The following C11orf21 variants were observed in gnomAD, a reference collection of about 807,000 sequenced individuals.
C11orf21 encodes the protein uncharacterized protein C11orf21.
Under a neutral mutation model 15.2 loss-of-function variants are expected in C11orf21, and 19 were observed. That is an observed-to-expected ratio of 1.25 (90% CI 0.87 to 1.84). C11orf21 has a LOEUF of 1.84. Among genes scored for constraint, C11orf21 ranks in the 40% most tolerant of loss-of-function variants. The probability of loss-of-function intolerance (pLI) is 0.00; values close to 1 mark genes in which losing one functional copy is unlikely to be tolerated. For missense variants in C11orf21, 171 were observed against 174.4 expected (o/e 0.98, Z 0.11); for synonymous variants, 62 against 66.8 (o/e 0.93, Z 0.35).
rs959104388 is a variant in C11orf21, at chr11:2,295,980, G to A, written c.*1970C>T. 1 of 152,188 alleles carries A rather than the reference G, an allele frequency of 6.6e-6. No homozygotes were observed. The highest frequency in any genetic ancestry group is 1.5e-5 in the Non-Finnish European group (1 of 68,032). 9.4% of individuals were successfully genotyped at this position (152,188 alleles called of 1,614,324 possible). A position where few individuals can be genotyped will look rare whatever the true frequency, so the allele number is the denominator to read the frequency against. ...TCCGGGGATGCTTTGATTTGCCCCA[G>A]TGATCAGTAGTCATATCTGGAACAG... On this transcript the variant is annotated 3_prime_UTR_variant, in exon 4 of 4. Transcript: ENST00000381153. The surrounding 1 kb of genome is among the most constrained non-coding windows in gnomAD (Gnocchi z 5.4).
chr11:2,302,236 G>C, upstream of C11orf21: 3 of 1,377,506 alleles, frequency 2.2e-6, no homozygotes, highest in Non-Finnish European at 2.8e-6. Flanking sequence ...GGTCGGGCAG[G>C]AGTGGGTGGT....
chr11:2,301,792 C>T lies in C11orf21; in HGVS notation c.17G>A (p.Cys6Tyr), dbSNP rs12276847. ...CGGGCGCCGTCTCCTCCACATCCCA[C>T]ACCAGGTCCTGCCCATGACTTTCCC... MGRTW[C>Y]GMWRRRRPGR... Residue 6 changes from cysteine to tyrosine, a missense_variant, in exon 1 of 4, where the codon TGT becomes TAT. Transcript: ENST00000381153. 507,041 of 1,549,966 alleles carry T rather than the reference C, an allele frequency of 0.33. 87,326 individuals carry two copies. The highest frequency in any genetic ancestry group is 0.36 in the Non-Finnish European group (413,381 of 1,146,580).
At position 2,297,026 on chromosome 11, in the gene C11orf21, T is replaced by A. The variant is rs1161488999; in HGVS notation, c.*924A>T. The stretch of plus-strand genomic sequence containing the variant: ...GCATTGGCTGAGCCCCCACCGCACC[T>A]TCCCTCCCACCCTGGGGTCCTCAGC... On this transcript the variant is annotated 3_prime_UTR_variant, in exon 4 of 4. Coordinates refer to ENST00000381153, the MANE Select transcript of C11orf21 (RefSeq NM_001329958.2). The A allele has an allele frequency of 1.3e-5, 2 of 152,296 alleles. No homozygotes were observed. The highest frequency in any genetic ancestry group is 2.9e-5 in the Non-Finnish European group (2 of 68,120). The allele number at this position is 152,296 out of a possible 1,614,324, so 9.4% of individuals were successfully genotyped here. A position where few individuals can be genotyped will look rare whatever the true frequency, so the allele number is the denominator to read the frequency against.
intron 1 of C11orf21, chr11:2,301,029 G>C: frequency 2.0e-6 from 1 of 507,254 alleles, no homozygotes; most frequent in South Asian, 2.1e-5. Context: ...AGCTGCAGAG[G>C]GTGCTGCCTG....
intron 1 of C11orf21, chr11:2,301,128 A>G (rs970838374): frequency 9.6e-6 from 3 of 311,140 alleles, no homozygotes; most frequent in Non-Finnish European, 1.8e-5. Context: ...TGGCCTCAGC[A>G]GTTCCTCCAG....
chr11:2,303,069 G>T, upstream of C11orf21: 1 of 1,009,478 alleles, frequency 9.9e-7, no homozygotes, highest in Non-Finnish European at 1.5e-6. Flanking sequence ...CCCTAGGCAG[G>T]AGCCAGAGGT....
At position 2,296,024 on chromosome 11, in the gene C11orf21, T is replaced by G. The variant is rs1444749910; in HGVS notation, c.*1926A>C. The G allele has an allele frequency of 6.6e-6, 1 of 152,228 alleles. No individual in the cohort carries two copies. Among genetic ancestry groups the G allele is most frequent in the Non-Finnish European group, 1.5e-5 (1 of 68,054 alleles). The allele number at this position is 152,228 out of a possible 1,614,324, so 9.4% of individuals were successfully genotyped here. On this transcript the variant is annotated 3_prime_UTR_variant, in exon 4 of 4. Transcript: ENST00000381153. The surrounding 1 kb of genome is among the most constrained non-coding windows in gnomAD (Gnocchi z 5.6). ...GGAACAGCAGTTGCAATTGGAGTCCTGGTTAAGTTTACCAGGATTCACTGT... is the reference window on the plus strand; with the variant it reads ...GGAACAGCAGTTGCAATTGGAGTCCGGGTTAAGTTTACCAGGATTCACTGT...
At chr11:2,298,350 T>A (rs995295236) in intron 3 of C11orf21, among the ~76,000 whole-genome samples, 1 of 152,174 alleles carries the variant, frequency 6.6e-6, no homozygotes, top group Non-Finnish European at 1.5e-5. Context: ...ACACTGCACC[T>A]TTAAAGGTGT....
intron 1 of C11orf21, chr11:2,301,462 A>C: frequency 1.9e-5 from 6 of 322,770 alleles, no homozygotes; most frequent in East Asian, 5.4e-5. Context: ...TGTAATTGCA[A>C]ATTCGAGGTT....
chr11:2,300,727 C>G, intron 1 of C11orf21, 114 bp from the exon 2 acceptor site: 1 of 1,551,008 alleles, frequency 6.4e-7, no homozygotes. Context: ...TCCAGGCCCG[C>G]CTCACCAGCT....
intron 3 of C11orf21, 57 bp downstream of exon 3, chr11:2,299,371 G>A (rs769863253): frequency 5.4e-5 from 81 of 1,491,600 alleles, no homozygotes; most frequent in Middle Eastern, 2.0e-4. Flanking sequence ...GGGAGGGGCC[G>A]CGCTCACAGA....
rs1392478067 is a variant in C11orf21, at chr11:2,297,699, T to TC, written c.*250_*251insG. The TC allele has an allele frequency of 2.0e-5, 3 of 152,024 alleles. No homozygotes were observed. The highest frequency in any genetic ancestry group is 4.4e-5 in the Non-Finnish European group (3 of 68,008). 9.4% of individuals were successfully genotyped at this position (152,024 alleles called of 1,614,324 possible). ...AGCTGTTTAGTAGACATGAGGTGAG[T>TC]GAATGAATGAATGAATGAATGAGTG... is the stretch of plus-strand genomic sequence containing the variant. On this transcript the variant is annotated 3_prime_UTR_variant, in exon 4 of 4. Transcript: ENST00000381153.
chr11:2,301,785 C>T lies in C11orf21; in HGVS notation c.24G>A (p.Met8Ile), dbSNP rs770509219. 297 of 1,550,496 alleles carry T rather than the reference C, an allele frequency of 1.9e-4. 1 individual carries two copies. Among genetic ancestry groups the T allele is most frequent in the Middle Eastern group, 8.4e-4 (5 of 5,988 alleles). The change falls in exon 1 of 4, where the codon ATG (methionine) becomes ATA (isoleucine). Residue 8 changes from methionine (M) to isoleucine (I), a missense_variant. Met to Ile is a conservative substitution (Grantham distance 10). Transcript: ENST00000381153. ...TCCTCCCCGGGCGCCGTCTCCTCCA[C>T]ATCCCACACCAGGTCCTGCCCATGA... MGRTWCG[M>I]WRRRRPGRRS...
At chr11:2,300,766 A>T in intron 1 of C11orf21, 153 bp from the exon 2 acceptor site, 1 of 1,550,656 alleles carries the variant, frequency 6.4e-7, no homozygotes, top group South Asian at 1.2e-5. Flanking sequence ...GAGAGAGACA[A>T]TTCTAGGGGC....
At chr11:2,302,845 T>G, upstream of C11orf21, 1 of 1,613,132 alleles carries the variant, frequency 6.2e-7, no homozygotes, top group Non-Finnish European at 8.5e-7. Flanking sequence ...TATCCACAGC[T>G]GCTGGGCCTC....
chr11:2,301,331 A>G (rs756922), intron 1 of C11orf21: 149,938 of 182,154 alleles, frequency 0.82, 62,964 homozygotes, highest in Non-Finnish European at 0.87. Flanking sequence ...TCCCTGAATG[A>G]TGGATTCACC....
upstream of C11orf21, chr11:2,302,251 G>GGGGGTGAGCA (rs1847794208): frequency 7.3e-7 from 1 of 1,379,172 alleles, no homozygotes. Context: ...GGTGGTGGGT[G>GGGGGTGAGCA]GGGGTGAGCA....
At chr11:2,300,249 G>T (rs1265400502) in intron 2 of C11orf21, among the ~76,000 whole-genome samples, 1 of 104,168 alleles carries the variant, frequency 9.6e-6, no homozygotes, top group Non-Finnish European at 2.0e-5. Context: ...TGTGTGGGGT[G>T]GGCAGGGGTG....
upstream of C11orf21, chr11:2,301,936 G>A: frequency 6.6e-7 from 1 of 1,516,902 alleles, no homozygotes; most frequent in South Asian, 1.2e-5. Context: ...CCAGGGTGAG[G>A]TGGTGGGGGG....
Sources: allele counts gnomAD v4.1 joint callset (sites outside exome capture counted in the v4.1 genomes callset), GRCh38; gene constraint gnomAD v4.1.1; non-coding constraint Gnocchi (gnomAD v3.1); transcripts MANE v1.5; gene names NCBI Gene and HGNC (gene_info 2026-07-23, HGNC 2026-07-21).